Variants in CDK14 observed in about 807,000 individuals in gnomAD.
CDK14 encodes the protein cyclin-dependent kinase 14.
A neutral mutation model predicts 60.7 loss-of-function variants in CDK14; 34 were observed. That is an observed-to-expected ratio of 0.56 (90% CI 0.43 to 0.75). The LOEUF (loss-of-function observed/expected upper bound fraction) is 0.75, where lower values mean the gene tolerates loss of function less well. CDK14 is among the 30% of genes least tolerant of loss of function. The pLI is 0.00. For synonymous variants in CDK14, 197 were observed against 203.7 expected (o/e 0.97, Z 0.28); for missense variants, 482 against 564.1 (o/e 0.85, Z 1.47).
At chr7:90,731,743 G>T (rs911302816) in intron 3 of CDK14, among the ~76,000 whole-genome samples, 2 of 152,224 alleles carry the variant, frequency 1.3e-5, no homozygotes, top group African/African-American at 2.4e-5. Flanking sequence ...ATTTTGGGCT[G>T]AGATGATGGG....
rs112266601 is a variant in CDK14 at position 91,081,907 on chromosome 7, A to G, written c.1154+2427A>G. Among the ~76,000 whole-genome samples the G allele has an allele frequency of 8.1e-3, 1,234 of 152,278 alleles. 18 individuals are homozygous for G. The highest frequency in any genetic ancestry group is 0.027 in the African/African-American group (1,139 of 41,572). On this transcript the variant is annotated intron_variant, in intron 12 of 14. Coordinates refer to ENST00000380050, the MANE Select transcript of CDK14 (RefSeq NM_001287135.2). ...GAGAATAATAAATATATATTAAAAAAAAAGGAAAGTCCTTTTATTCCCTCA... is the reference window on the plus strand; with the variant it reads ...GAGAATAATAAATATATATTAAAAAGAAAGGAAAGTCCTTTTATTCCCTCA...
intron 6 of CDK14, among the ~76,000 whole-genome samples, chr7:90,885,567 A>T (rs985973545): frequency 1.3e-5 from 2 of 152,210 alleles, no homozygotes; most frequent in African/African-American, 4.8e-5. Context: ...ATTATAGGGT[A>T]TATACCCAAA....
intron 14 of CDK14, among the ~76,000 whole-genome samples, chr7:91,203,683 C>T (rs1802796148): frequency 6.6e-6 from 1 of 152,134 alleles, no homozygotes; most frequent in African/African-American, 2.4e-5. Context: ...GGCAGGCTTC[C>T]AGGAAGAGCT....
At chr7:90,884,234 A>C (rs1376876968) in intron 6 of CDK14, among the ~76,000 whole-genome samples, 1 of 152,208 alleles carries the variant, frequency 6.6e-6, no homozygotes, top group Non-Finnish European at 1.5e-5. Context: ...ACTTCAGCAA[A>C]GTCTCAGAAT....
intron 8 of CDK14, among the ~76,000 whole-genome samples, chr7:90,951,072 G>A (rs1008659916): frequency 6.6e-6 from 1 of 152,104 alleles, no homozygotes; most frequent in Non-Finnish European, 1.5e-5. Flanking sequence ...TGTGGAATGG[G>A]AATGAAATCC....
chr7:90,641,970 A>G (rs187512741), intron 2 of CDK14, among the ~76,000 whole-genome samples: 114 of 152,302 alleles, frequency 7.5e-4, no homozygotes, highest in South Asian at 3.9e-3. Context: ...TAAAACCATC[A>G]GATCTTGTGA....
At chr7:90,772,731 T>C (rs188519401) in intron 4 of CDK14, among the ~76,000 whole-genome samples, 40 of 152,314 alleles carry the variant, frequency 2.6e-4, no homozygotes, top group African/African-American at 9.6e-4. Context: ...CCTCTTTTCT[T>C]ATAAACAACC....
At chr7:90,800,421 T>C (rs1210931792) in intron 5 of CDK14, among the ~76,000 whole-genome samples, 2 of 152,210 alleles carry the variant, frequency 1.3e-5, no homozygotes, top group African/African-American at 4.8e-5. Context: ...TATGAATTAT[T>C]GATATTACTT....
chr7:91,095,962 T>C (rs1245085662), intron 12 of CDK14, among the ~76,000 whole-genome samples: 1 of 149,536 alleles, frequency 6.7e-6, no homozygotes, highest in Non-Finnish European at 1.5e-5. Context: ...AATACTGTGA[T>C]GGTTGTACAA....
chr7:90,774,874 C>T (rs1804951147), intron 4 of CDK14, among the ~76,000 whole-genome samples: 1 of 152,086 alleles, frequency 6.6e-6, no homozygotes, highest in Non-Finnish European at 1.5e-5. Flanking sequence ...TCCTGCTGTT[C>T]TAAGCTTCAC....
intron 14 of CDK14, among the ~76,000 whole-genome samples, chr7:91,201,485 G>C (rs1802721525): frequency 1.3e-5 from 2 of 151,520 alleles, no homozygotes; most frequent in Admixed American, 1.3e-4. Flanking sequence ...TGCCAGAGTT[G>C]TCTTGTAGAA....
chr7:91,025,913 G>A (rs1796557687), intron 10 of CDK14, among the ~76,000 whole-genome samples: 1 of 152,132 alleles, frequency 6.6e-6, no homozygotes, highest in African/African-American at 2.4e-5. Context: ...CACTGTCAAT[G>A]TCTTTTCCTC....
In CDK14 at chr7:90,676,027, A is replaced by G. The variant is rs564687342; in HGVS notation, c.124-50540A>G. 5.3e-5 allele frequency among the ~76,000 whole-genome samples: 8 copies of G among 152,334 alleles called. No homozygotes were observed. The South Asian group carries it at 1.0e-3, about 20-fold the overall frequency. On this transcript the variant is annotated intron_variant, in intron 2 of 14. Coordinates refer to ENST00000380050, the MANE Select transcript of CDK14 (RefSeq NM_001287135.2). ...ACCATCCTAAGAATAATCATTATGT[A>G]GATTCATTCATTTGTTCAGTAAATA...
At chr7:90,910,859 G>A (rs1323775747) in intron 7 of CDK14, among the ~76,000 whole-genome samples, 2 of 152,090 alleles carry the variant, frequency 1.3e-5, no homozygotes, top group Non-Finnish European at 2.9e-5. Flanking sequence ...GGGGTTGGTT[G>A]TACCGATTAT....
intron 5 of CDK14, among the ~76,000 whole-genome samples, chr7:90,807,597 C>T (rs976511127): frequency 2.0e-5 from 3 of 152,264 alleles, no homozygotes; most frequent in East Asian, 1.9e-4. Context: ...TCACCAGCAA[C>T]GGAACAAAGC....
intron 4 of CDK14, among the ~76,000 whole-genome samples, chr7:90,784,211 C>G (rs191998541): frequency 1.4e-4 from 21 of 152,160 alleles, no homozygotes; most frequent in Admixed American, 1.2e-3. Context: ...TATATGGGAA[C>G]TAAAAAATTG....
intron 2 of CDK14, among the ~76,000 whole-genome samples, chr7:90,691,880 G>A (rs1443326061): frequency 1.3e-5 from 2 of 152,174 alleles, no homozygotes; most frequent in African/African-American, 4.8e-5. Context: ...CATTGAGTCT[G>A]AATAATTTGG....
In CDK14 at chr7:90,953,064, T is replaced by C. The variant is rs187453602; in HGVS notation, c.827-2633T>C. 1.1e-3 allele frequency among the ~76,000 whole-genome samples: 164 copies of C among 152,304 alleles called. 1 individual carries two copies. The highest frequency in any genetic ancestry group is 1.0e-3 in the Non-Finnish European group (70 of 68,024). The stretch of plus-strand genomic sequence containing the variant: ...TCTTTTATTTTTATTTTTTGAGTCA[T>C]TGTTTTAATGATTTTCTCCCTTCCT... On this transcript the variant is annotated intron_variant, in intron 8 of 14. Transcript: ENST00000380050.
intron 6 of CDK14, among the ~76,000 whole-genome samples, chr7:90,876,847 ATAAG>A (rs1292487896): frequency 2.0e-5 from 3 of 152,246 alleles, no homozygotes; most frequent in Admixed American, 1.3e-4. Context: ...TGTGAAGTAT[ATAAG>A]TTTTTCTCTT....
Sources: allele counts gnomAD v4.1 joint callset (sites outside exome capture counted in the v4.1 genomes callset), GRCh38; gene constraint gnomAD v4.1.1; transcripts MANE v1.5; gene names NCBI Gene and HGNC (gene_info 2026-07-23, HGNC 2026-07-21).